Variants in ERP44 observed in about 807,000 individuals in gnomAD.
ERP44 encodes the protein endoplasmic reticulum protein 44.
In ERP44, 25 loss-of-function variants were observed where a neutral mutation model predicts 53.4. That is an observed-to-expected ratio of 0.47 (90% CI 0.34 to 0.65). The LOEUF (loss-of-function observed/expected upper bound fraction) is 0.65. Among genes scored for constraint, ERP44 ranks in the 30% least tolerant of loss-of-function variants. The pLI is 0.01. For synonymous variants in ERP44, 145 were observed against 161.2 expected (o/e 0.90, Z 0.76); for missense variants, 338 against 493.2 (o/e 0.69, Z 2.98).
At chr9:100,041,427 T>C (rs1251222887) in intron 4 of ERP44, among the ~76,000 whole-genome samples, 3 of 152,136 alleles carry the variant, frequency 2.0e-5, no homozygotes, top group Non-Finnish European at 4.4e-5. Flanking sequence ...CTCAACACTT[T>C]GGGAGGCTGA....
At chr9:99,999,098 G>C (rs1294148551) in intron 10 of ERP44, 2 of 667,008 alleles carry the variant, frequency 3.0e-6, no homozygotes, top group Non-Finnish European at 2.7e-6. Flanking sequence ...TTCCCACAGC[G>C]GCGGGGCGTG....
At chr9:100,085,373 T>A (rs143500968) in intron 1 of ERP44, among the ~76,000 whole-genome samples, 2 of 152,214 alleles carry the variant, frequency 1.3e-5, no homozygotes, top group East Asian at 1.9e-4. Flanking sequence ...AATACCTTCA[T>A]TACAGTATCT....
intron 10 of ERP44, among the ~76,000 whole-genome samples, chr9:100,002,070 T>C (rs996848001): frequency 6.6e-6 from 1 of 151,936 alleles, no homozygotes; most frequent in Non-Finnish European, 1.5e-5. Context: ...ATTTTGTACA[T>C]TTCTTCACTA....
At chr9:100,049,613 C>T (rs1826015221) in intron 4 of ERP44, among the ~76,000 whole-genome samples, 2 of 152,110 alleles carry the variant, frequency 1.3e-5, no homozygotes, top group Admixed American at 1.3e-4. Context: ...CTATCCACTC[C>T]AAGTTTTGAC....
At chr9:100,052,583 AT>A in intron 3 of ERP44, 51 bp from the exon 4 acceptor site, 1 of 1,055,104 alleles carries the variant, frequency 9.5e-7, no homozygotes, top group Non-Finnish European at 1.4e-6. Context: ...AAGTAATAAA[AT>A]CTTATTTCCG....
intron 10 of ERP44, among the ~76,000 whole-genome samples, chr9:100,005,086 G>A (rs1277401656): frequency 6.6e-6 from 1 of 152,162 alleles, no homozygotes; most frequent in Non-Finnish European, 1.5e-5. Flanking sequence ...TCATGTGTTA[G>A]TTCTCTTGAC....
intron 10 of ERP44, among the ~76,000 whole-genome samples, chr9:99,995,841 C>T (rs1488029508): frequency 1.3e-5 from 2 of 151,544 alleles, no homozygotes; most frequent in Non-Finnish European, 2.9e-5. Context: ...CATAGGAGTG[C>T]AGATATTTCT....
intron 1 of ERP44, among the ~76,000 whole-genome samples, chr9:100,086,399 A>G (rs887076740): frequency 6.6e-6 from 1 of 152,216 alleles, no homozygotes; most frequent in Non-Finnish European, 1.5e-5. Flanking sequence ...TAAAAGCCTC[A>G]CCCATTTACT....
intron 1 of ERP44, among the ~76,000 whole-genome samples, chr9:100,075,084 T>C (rs1013204309): frequency 2.6e-5 from 4 of 152,214 alleles, no homozygotes; most frequent in African/African-American, 4.8e-5. Flanking sequence ...TTGGAGGGAC[T>C]GCAGAGATTA....
chr9:99,992,546 C>T (rs898673759), intron 10 of ERP44, among the ~76,000 whole-genome samples: 13 of 152,056 alleles, frequency 8.5e-5, no homozygotes, highest in Admixed American at 1.3e-4. Flanking sequence ...TATGACAAAC[C>T]CACAGCCAAT....
chr9:100,022,356 G>GA (rs1830601195), intron 4 of ERP44, 130 bp from the exon 5 acceptor site: 6 of 605,296 alleles, frequency 9.9e-6, no homozygotes, highest in Non-Finnish European at 1.6e-5. Flanking sequence ...CAGTGAGAGA[G>GA]AAAAAAATAA....
chr9:100,070,698 G>T (rs1826291319), intron 1 of ERP44, among the ~76,000 whole-genome samples: 1 of 152,194 alleles, frequency 6.6e-6, no homozygotes, highest in Admixed American at 6.5e-5. Context: ...ATTTGAACAT[G>T]ATCTCAATTT....
intron 1 of ERP44, among the ~76,000 whole-genome samples, chr9:100,061,381 T>G (rs914802231): frequency 2.2e-4 from 33 of 151,186 alleles, no homozygotes; most frequent in Non-Finnish European, 4.4e-5. Context: ...GAGGTGGAGG[T>G]TGCAGTGAGC....
chr9:100,029,814 G>C (rs1018074380), intron 4 of ERP44, among the ~76,000 whole-genome samples: 2 of 152,220 alleles, frequency 1.3e-5, no homozygotes, highest in African/African-American at 4.8e-5. Context: ...GTGGGGCCGG[G>C]TGCGGTGGCT....
intron 1 of ERP44, among the ~76,000 whole-genome samples, chr9:100,068,238 C>T (rs1370278061): frequency 2.7e-5 from 4 of 146,578 alleles, no homozygotes; most frequent in African/African-American, 5.1e-5. Context: ...CCAGCCGCCC[C>T]GTACGGAAGG....
At chr9:100,097,875 T>G (rs1826664171) in intron 1 of ERP44, among the ~76,000 whole-genome samples, 1 of 152,230 alleles carries the variant, frequency 6.6e-6, no homozygotes, top group Non-Finnish European at 1.5e-5. Context: ...AAGAAAGTAG[T>G]TCTTAATGTT....
chr9:100,047,181 T>G (rs1321443510), intron 4 of ERP44, among the ~76,000 whole-genome samples: 1 of 152,182 alleles, frequency 6.6e-6, no homozygotes, highest in African/African-American at 2.4e-5. Context: ...TGTGATCCTG[T>G]GTGAGGCAAA....
intron 4 of ERP44, among the ~76,000 whole-genome samples, chr9:100,043,291 A>AAAAAAAAAAATAAAAAAG (rs1168903331): frequency 1.3e-5 from 1 of 74,878 alleles, no homozygotes; most frequent in Non-Finnish European, 2.3e-5. Context: ...AAAAAAAAAA[A>AAAAAAAAAAATAAAAAAG]GATAAATAAG....
At chr9:100,044,953 T>C (rs755918517) in intron 4 of ERP44, among the ~76,000 whole-genome samples, 65 of 152,302 alleles carry the variant, frequency 4.3e-4, no homozygotes, top group Non-Finnish European at 6.9e-4. Flanking sequence ...AATTCTCCAT[T>C]TCTATGGGGA....
Sources: gnomAD v4.1 joint callset for allele counts (sites outside exome capture counted in the v4.1 genomes callset) on GRCh38, gnomAD v4.1.1 for gene constraint, MANE v1.5 for transcripts, NCBI Gene and HGNC (gene_info 2026-07-23, HGNC 2026-07-21) for gene names.